TBC1D19: variants seen among roughly 807,000 people sequenced by gnomAD.
TBC1D19 encodes the protein TBC1 domain family, member 19.
Under a neutral mutation model 89.0 loss-of-function variants are expected in TBC1D19, and 60 were observed. The ratio of observed to expected loss-of-function variants is 0.67; its 90% CI spans 0.55 to 0.84. The LOEUF is 0.84. Among genes scored for constraint, TBC1D19 ranks in the 40% least tolerant of loss-of-function variants. The probability of loss-of-function intolerance (pLI) is 0.00; values close to 1 mark genes in which losing one functional copy is unlikely to be tolerated. For synonymous variants in TBC1D19, 189 were observed against 199.7 expected (o/e 0.95, Z 0.45); for missense variants, 500 against 610.8 (o/e 0.82, Z 1.91).
intron 8 of TBC1D19, among the ~76,000 whole-genome samples, 158 bp from the exon 9 acceptor site, chr4:26,666,175 G>A (rs1253100252): frequency 2.0e-5 from 3 of 151,880 alleles, no homozygotes; most frequent in Admixed American, 6.6e-5. Context: ...TTATTTAGAT[G>A]TTTAATATGT....
intron 13 of TBC1D19, among the ~76,000 whole-genome samples, chr4:26,691,074 C>T (rs919208275): frequency 1.3e-5 from 2 of 152,168 alleles, no homozygotes; most frequent in African/African-American, 4.8e-5. Context: ...CATGGGTAAC[C>T]TTGAGGGGTT....
intron 1 of TBC1D19, among the ~76,000 whole-genome samples, chr4:26,591,514 C>CA (rs1346273326): frequency 1.3e-5 from 2 of 151,972 alleles, no homozygotes; most frequent in Middle Eastern, 3.4e-3. Context: ...AACAGAGACA[C>CA]AAAAAAACCC....
chr4:26,795,923 C>G, the TBC1D19 span, among the ~76,000 whole-genome samples: 6 of 152,174 alleles, frequency 3.9e-5, no homozygotes. Flanking sequence ...ATATGTATCC[C>G]TCCAGAATTT....
chr4:26,842,345 T>TC, the TBC1D19 span, among the ~76,000 whole-genome samples: 3 of 80,128 alleles, frequency 3.7e-5, no homozygotes, highest in Admixed American at 1.3e-4. Context: ...CTTTTCTTTT[T>TC]TTTTTTTTTT....
At chr4:26,835,314 C>T in the TBC1D19 span, among the ~76,000 whole-genome samples, 8 of 152,248 alleles carry the variant, frequency 5.3e-5, no homozygotes, top group Admixed American at 2.0e-4. Context: ...TGGATTCTCC[C>T]CTAGAGCCTG....
rs887825174 is a variant in TBC1D19 at position 26,710,855 on chromosome 4, C to T, written c.955-7078C>T. On this transcript the variant is annotated intron_variant, in intron 13 of 20. Coordinates refer to ENST00000264866, the MANE Select transcript of TBC1D19 (RefSeq NM_018317.4). ...TTGAGAAGTGTCTGTTCATATCCTT[C>T]GCCCACGTTTTGATGGGGTTGTTTG... 9.2e-5 allele frequency among the ~76,000 whole-genome samples: 14 copies of T among 152,024 alleles called. No homozygotes were observed. In the South Asian group the frequency reaches 1.5e-3, roughly 16 times the overall value.
upstream of TBC1D19, among the ~76,000 whole-genome samples, chr4:26,581,445 G>A (rs551707424): frequency 7.2e-5 from 11 of 152,116 alleles, no homozygotes; most frequent in African/African-American, 2.7e-4. Context: ...CTCATGGCTC[G>A]ACTCCCACTT....
At chr4:26,644,076 A>G (rs1743740377) in intron 7 of TBC1D19, among the ~76,000 whole-genome samples, 1 of 152,222 alleles carries the variant, frequency 6.6e-6, no homozygotes, top group Non-Finnish European at 1.5e-5. Flanking sequence ...TCATTTTATG[A>G]CACCAGCATC....
Position 26,578,788 on chromosome 4 carries a change from G to T in TBC1D19, c.6+1991G>T, listed in dbSNP as rs75857988. On this transcript the variant is annotated intron_variant, in intron 1 of 12. Transcript: ENST00000512840. ...TCTTTTGCCCCAAGTTGTACAGATT[G>T]TATTAGAGAATAGACTATTTCTGAT... Among the ~76,000 whole-genome samples the T allele has an allele frequency of 6.4e-3, 967 of 152,264 alleles. 8 individuals are homozygous for T. Among genetic ancestry groups the T allele is most frequent in the African/African-American group, 0.022 (924 of 41,540 alleles).
chr4:26,742,085 G>A (rs1454317089), intron 17 of TBC1D19, among the ~76,000 whole-genome samples: 1 of 152,164 alleles, frequency 6.6e-6, no homozygotes, highest in African/African-American at 2.4e-5. Context: ...GACATATGGA[G>A]GGAGAGTGAA....
chr4:26,628,955 A>G (rs1742616220), intron 4 of TBC1D19, among the ~76,000 whole-genome samples: 1 of 152,076 alleles, frequency 6.6e-6, no homozygotes, highest in Non-Finnish European at 1.5e-5. Context: ...TATAGATTCA[A>G]TGCCATCCCC....
chr4:26,629,650 A>T (rs938314744), intron 4 of TBC1D19, among the ~76,000 whole-genome samples: 1 of 152,050 alleles, frequency 6.6e-6, no homozygotes, highest in Admixed American at 6.6e-5. Context: ...AATAGTAAAA[A>T]ATTTAAAAGA....
chr4:26,701,436 C>T (rs1715323121), intron 13 of TBC1D19, among the ~76,000 whole-genome samples: 1 of 152,088 alleles, frequency 6.6e-6, no homozygotes, highest in Non-Finnish European at 1.5e-5. Context: ...ATAATTGTCT[C>T]TCCCGGGTAA....
chr4:26,619,611 A>G (rs554377099), intron 3 of TBC1D19, among the ~76,000 whole-genome samples: 2 of 152,256 alleles, frequency 1.3e-5, no homozygotes, highest in African/African-American at 4.8e-5. Flanking sequence ...TGTCTTACAT[A>G]TAAGACAAGA....
chr4:26,701,308 A>C (rs2059227875), intron 13 of TBC1D19, among the ~76,000 whole-genome samples: 1 of 127,154 alleles, frequency 7.9e-6, no homozygotes, highest in African/African-American at 2.5e-5. Context: ...CCAACCCGTC[A>C]CTCATCTGCA....
intron 13 of TBC1D19, among the ~76,000 whole-genome samples, chr4:26,692,408 G>T (rs766255514): frequency 2.8e-4 from 43 of 152,148 alleles, no homozygotes; most frequent in Non-Finnish European, 8.8e-5. Context: ...GGGGACAGAG[G>T]TTCCACATGG....
chr4:26,627,281 G>C (rs1299094094), intron 4 of TBC1D19, among the ~76,000 whole-genome samples: 1 of 151,874 alleles, frequency 6.6e-6, no homozygotes, highest in African/African-American at 2.4e-5. Flanking sequence ...TCTTAATCCA[G>C]TCTATCATTG....
At chr4:26,643,834 G>A (rs1358548596) in intron 7 of TBC1D19, among the ~76,000 whole-genome samples, 1 of 152,144 alleles carries the variant, frequency 6.6e-6, no homozygotes, top group African/African-American at 2.4e-5. Flanking sequence ...TGGAAGAAAT[G>A]GATAAATTCC....
At chr4:26,634,947 A>G (rs193206914) in intron 4 of TBC1D19, among the ~76,000 whole-genome samples, 2 of 152,256 alleles carry the variant, frequency 1.3e-5, no homozygotes, top group Admixed American at 6.5e-5. Flanking sequence ...TATGAGCTGC[A>G]CATTCATGTC....
Sources: allele counts gnomAD v4.1 joint callset (sites outside exome capture counted in the v4.1 genomes callset), GRCh38; gene constraint gnomAD v4.1.1; transcripts MANE v1.5; gene names NCBI Gene and HGNC (gene_info 2026-07-23, HGNC 2026-07-21).